The following ROBO2 variants were observed in gnomAD, a reference collection of about 807,000 sequenced individuals.
ROBO2 encodes roundabout guidance receptor 2, also known as roundabout homolog 2.
A neutral mutation model predicts 160.8 loss-of-function variants in ROBO2; 53 were observed. The observed-to-expected ratio is 0.33, with a 90% CI of 0.26 to 0.41. The LOEUF (loss-of-function observed/expected upper bound fraction) is 0.41. ROBO2 is among the 10% of genes least tolerant of loss of function. The pLI, the probability that ROBO2 is intolerant of heterozygous loss-of-function variation, is 1.00. For missense variants in ROBO2, 1,577 were observed against 1,722.4 expected (o/e 0.92, Z 1.49); for synonymous variants, 664 against 611.7 (o/e 1.09, Z -1.26).
At chr3:76,913,556 T>C (rs1224702241) in intron 2 of ROBO2, among the ~76,000 whole-genome samples, 2 of 152,222 alleles carry the variant, frequency 1.3e-5, no homozygotes, top group Admixed American at 1.3e-4. Flanking sequence ...AGAGTATTTT[T>C]TTGTATTATA....
chr3:76,657,342 G>A (rs1248815795), intron 2 of ROBO2, among the ~76,000 whole-genome samples: 1 of 151,530 alleles, frequency 6.6e-6, no homozygotes, highest in Non-Finnish European at 1.5e-5. Flanking sequence ...GGAGAATGGC[G>A]TGAACCCCGG....
chr3:77,397,087 G>T (rs2075352727), intron 2 of ROBO2, among the ~76,000 whole-genome samples: 1 of 152,044 alleles, frequency 6.6e-6, no homozygotes, highest in African/African-American at 2.4e-5. Flanking sequence ...AGATTATCCA[G>T]TTTTTCCAAG....
intron 2 of ROBO2, among the ~76,000 whole-genome samples, chr3:76,467,707 TG>T (rs1243041935): frequency 6.6e-6 from 1 of 150,896 alleles, no homozygotes; most frequent in African/African-American, 2.4e-5. Context: ...TTATGTGAAC[TG>T]GTAAGAAAAG....
At chr3:76,934,955 A>G (rs1303087322) in intron 2 of ROBO2, among the ~76,000 whole-genome samples, 1 of 94,224 alleles carries the variant, frequency 1.1e-5, no homozygotes, top group Admixed American at 9.6e-5. Context: ...TTCAGGCTTC[A>G]CAAATTTTTT....
intron 2 of ROBO2, among the ~76,000 whole-genome samples, chr3:76,008,236 A>C: frequency 1.4e-5 from 2 of 142,522 alleles, no homozygotes; most frequent in Non-Finnish European, 1.5e-5. Context: ...CTCTGTCAAA[A>C]AAAAAAAAAA....
At chr3:76,203,194 G>A (rs1170039032) in intron 2 of ROBO2, among the ~76,000 whole-genome samples, 1 of 152,138 alleles carries the variant, frequency 6.6e-6, no homozygotes, top group Non-Finnish European at 1.5e-5. Flanking sequence ...AACCTACTTT[G>A]TACTCAGAAA....
intron 1 of ROBO2, among the ~76,000 whole-genome samples, chr3:77,054,396 A>T (rs2065514992): frequency 6.6e-6 from 1 of 152,214 alleles, no homozygotes; most frequent in Non-Finnish European, 1.5e-5. Context: ...AACGTATGCC[A>T]TCTGACCCCA....
At chr3:76,553,274 G>C (rs938761600) in intron 2 of ROBO2, among the ~76,000 whole-genome samples, 2 of 152,174 alleles carry the variant, frequency 1.3e-5, no homozygotes, top group African/African-American at 2.4e-5. Flanking sequence ...AGGAAGACAA[G>C]GAAGGAGCAG....
At chr3:77,108,515 G>T (rs933356279) in intron 2 of ROBO2, among the ~76,000 whole-genome samples, 1 of 152,020 alleles carries the variant, frequency 6.6e-6, no homozygotes, top group African/African-American at 2.4e-5. Flanking sequence ...AAACATCTTT[G>T]TTGGGTTTCC....
intron 5 of ROBO2, among the ~76,000 whole-genome samples, chr3:77,497,005 A>C (rs2086878433): frequency 1.3e-5 from 2 of 152,134 alleles, no homozygotes; most frequent in Non-Finnish European, 2.9e-5. Context: ...TGAAAAGATG[A>C]ATGTTTCAGT....
intron 2 of ROBO2, among the ~76,000 whole-genome samples, chr3:77,383,510 G>A (rs539725908): frequency 7.9e-5 from 12 of 152,166 alleles, no homozygotes; most frequent in African/African-American, 2.9e-4. Context: ...CTTGCAATAA[G>A]TAGAGCCAGT....
At chr3:77,233,911 A>G (rs1165250945) in intron 2 of ROBO2, among the ~76,000 whole-genome samples, 1 of 152,200 alleles carries the variant, frequency 6.6e-6, no homozygotes, top group Non-Finnish European at 1.5e-5. Flanking sequence ...ATATGTTAAA[A>G]TTTGCACAAC....
chr3:76,391,474 C>G (rs2077147600), intron 2 of ROBO2, among the ~76,000 whole-genome samples: 1 of 151,764 alleles, frequency 6.6e-6, no homozygotes, highest in Admixed American at 6.6e-5. Context: ...TATGTTATCT[C>G]CATTTTTCTT....
intron 2 of ROBO2, among the ~76,000 whole-genome samples, chr3:76,344,055 T>C (rs1458667642): frequency 2.0e-5 from 3 of 152,108 alleles, no homozygotes; most frequent in Non-Finnish European, 4.4e-5. Flanking sequence ...TAAAAGTATG[T>C]CAATGAATTC....
chr3:77,392,256 T>C (rs943070483), intron 2 of ROBO2, among the ~76,000 whole-genome samples: 1 of 152,206 alleles, frequency 6.6e-6, no homozygotes, highest in African/African-American at 2.4e-5. Flanking sequence ...AAATTCAACC[T>C]ATTTGACTCT....
chr3:76,477,069 A>G (rs760738150), intron 2 of ROBO2, among the ~76,000 whole-genome samples: 3 of 152,140 alleles, frequency 2.0e-5, no homozygotes, highest in Admixed American at 6.6e-5. Flanking sequence ...GTAAAATGCA[A>G]ATGATCCTGT....
In ROBO2 at chr3:77,154,790, T is replaced by C. The variant is rs550033094; in HGVS notation, c.388+56450T>C. Among the ~76,000 whole-genome samples the C allele has an allele frequency of 2.6e-5, 4 of 152,174 alleles. No individual in the cohort carries two copies. In the East Asian group the frequency reaches 5.8e-4, roughly 22 times the overall value. ...ACAGAAAACCAAATACTCCATGTTC[T>C]GGTTTATAAGTGAGAGCTAAACACT... is the stretch of plus-strand genomic sequence containing the variant. On this transcript the variant is annotated intron_variant, in intron 2 of 25. Transcript: ENST00000461745.
intron 2 of ROBO2, among the ~76,000 whole-genome samples, chr3:76,726,395 G>A (rs529924875): frequency 5.9e-5 from 9 of 152,086 alleles, no homozygotes; most frequent in Admixed American, 2.6e-4. Context: ...TTGCCCTCCC[G>A]CAACTTGCTT....
chr3:76,917,425 T>C (rs1330657061), intron 2 of ROBO2, among the ~76,000 whole-genome samples: 1 of 152,116 alleles, frequency 6.6e-6, no homozygotes, highest in Non-Finnish European at 1.5e-5. Flanking sequence ...AAATGATTGA[T>C]AAGTGTATGC....
Sources: gnomAD v4.1 joint callset for allele counts (sites outside exome capture counted in the v4.1 genomes callset) on GRCh38, gnomAD v4.1.1 for gene constraint, MANE v1.5 for transcripts, NCBI Gene and HGNC (gene_info 2026-07-23, HGNC 2026-07-21) for gene names.